Variants in TMEM131L observed in about 807,000 individuals in gnomAD.
TMEM131L encodes the protein transmembrane 131 like, also known as transmembrane protein 131-like.
TMEM131L carries 54 observed loss-of-function variants against 192.2 expected under a neutral mutation model. The observed-to-expected ratio is 0.28, with a 90% CI of 0.23 to 0.35. TMEM131L has a LOEUF of 0.35. Among genes scored for constraint, TMEM131L ranks in the 10% least tolerant of loss-of-function variants. TMEM131L has a pLI of 1.00. For missense variants in TMEM131L, 1,888 were observed against 1,972.9 expected (o/e 0.96, Z 0.82); for synonymous variants, 701 against 704.9 (o/e 0.99, Z 0.09).
At chr4:153,511,635 C>T (rs964709784) in intron 3 of TMEM131L, among the ~76,000 whole-genome samples, 16 of 152,152 alleles carry the variant, frequency 1.1e-4, no homozygotes, top group African/African-American at 3.9e-4. Flanking sequence ...TTCTTCCTTT[C>T]CCTACTGAAA....
intron 26 of TMEM131L, among the ~76,000 whole-genome samples, chr4:153,613,610 T>G (rs1434808710): frequency 6.6e-6 from 1 of 152,216 alleles, no homozygotes; most frequent in East Asian, 1.9e-4. Flanking sequence ...CTTTGGTTTA[T>G]TTTTCTTATG....
intron 21 of TMEM131L, among the ~76,000 whole-genome samples, chr4:153,599,813 TATGGGAGGTTGAGG>T (rs1314910853): frequency 6.6e-6 from 1 of 152,118 alleles, no homozygotes; most frequent in Non-Finnish European, 1.5e-5. Context: ...ATCCCAGCAC[TATGGGAGGTTGAGG>T]CAGGTGGATC....
At chr4:153,582,785 A>T (rs1175505299) in intron 9 of TMEM131L, among the ~76,000 whole-genome samples, 2 of 152,136 alleles carry the variant, frequency 1.3e-5, no homozygotes, top group African/African-American at 4.8e-5. Context: ...CTGAGATCTC[A>T]GGATTTTCTT....
chr4:153,589,990 C>A (rs527679559), intron 16 of TMEM131L, among the ~76,000 whole-genome samples: 1 of 152,308 alleles, frequency 6.6e-6, no homozygotes, highest in Non-Finnish European at 1.5e-5. Flanking sequence ...TTATGTATAA[C>A]TATACTACCA....
chr4:153,621,450 C>T (rs1296403428), intron 27 of TMEM131L, among the ~76,000 whole-genome samples: 1 of 152,204 alleles, frequency 6.6e-6, no homozygotes, highest in Non-Finnish European at 1.5e-5. Flanking sequence ...GGCAGTGTGG[C>T]ACTCTGTCTT....
At chr4:153,522,230 G>A (rs574478171) in intron 3 of TMEM131L, among the ~76,000 whole-genome samples, 14 of 152,328 alleles carry the variant, frequency 9.2e-5, no homozygotes, top group African/African-American at 2.6e-4. Flanking sequence ...GAAATGGGAC[G>A]TTCTCACCTT....
chr4:153,480,294 G>C (rs569715997), intron 3 of TMEM131L, among the ~76,000 whole-genome samples: 1 of 152,120 alleles, frequency 6.6e-6, no homozygotes, highest in Non-Finnish European at 1.5e-5. Context: ...AGCCGAGATC[G>C]CGCCACTGCA....
intron 19 of TMEM131L, among the ~76,000 whole-genome samples, chr4:153,594,235 T>TA (rs200623411): frequency 0.017 from 2,382 of 139,228 alleles, 69 homozygotes; most frequent in African/African-American, 0.056. Context: ...ACAAATACAT[T>TA]AAAAAAAATC....
At chr4:153,546,182 C>T (rs981433554) in intron 3 of TMEM131L, among the ~76,000 whole-genome samples, 58 of 151,646 alleles carry the variant, frequency 3.8e-4, no homozygotes, top group African/African-American at 1.3e-3. Context: ...TGAGCCACTG[C>T]ACCCGGTCCA....
At chr4:153,511,564 A>AC (rs1220087628) in intron 3 of TMEM131L, among the ~76,000 whole-genome samples, 2 of 151,916 alleles carry the variant, frequency 1.3e-5, no homozygotes, top group Non-Finnish European at 2.9e-5. Flanking sequence ...TGTATATCGA[A>AC]CCCCCATGAC....
chr4:153,546,987 T>G (rs1279591570), intron 3 of TMEM131L, among the ~76,000 whole-genome samples: 1 of 152,234 alleles, frequency 6.6e-6, no homozygotes, highest in Admixed American at 6.5e-5. Context: ...TCCAGATCAT[T>G]ACCTATGTCT....
intron 25 of TMEM131L, among the ~76,000 whole-genome samples, chr4:153,608,306 A>G (rs1049304719): frequency 2.0e-5 from 3 of 152,222 alleles, no homozygotes; most frequent in African/African-American, 7.2e-5. Context: ...TTGTCAAACA[A>G]CTATCAAACA....
intron 3 of TMEM131L, among the ~76,000 whole-genome samples, chr4:153,540,978 C>T (rs6833595): frequency 2.0e-5 from 3 of 151,946 alleles, no homozygotes; most frequent in East Asian, 1.9e-4. Flanking sequence ...ACTGAATGTT[C>T]GTGCTAACTT....
chr4:153,623,653 A>G (rs562438456), intron 29 of TMEM131L, among the ~76,000 whole-genome samples: 5 of 152,298 alleles, frequency 3.3e-5, no homozygotes, highest in Admixed American at 6.5e-5. Context: ...AATGTCTTCA[A>G]TGTTCAAAAA....
At chr4:153,583,805 G>C in intron 11 of TMEM131L, 133 bp downstream of exon 11, 1 of 625,524 alleles carries the variant, frequency 1.6e-6, no homozygotes, top group Admixed American at 3.2e-5. Flanking sequence ...AGAAGTCCCA[G>C]CCTTAGTAGT....
chr4:153,580,358 G>GT (rs1165005386), intron 7 of TMEM131L, among the ~76,000 whole-genome samples: 3 of 150,716 alleles, frequency 2.0e-5, no homozygotes, highest in Admixed American at 2.0e-4. Flanking sequence ...TTTATTTTTT[G>GT]TTTTTTTGGT....
intron 26 of TMEM131L, among the ~76,000 whole-genome samples, chr4:153,618,346 A>C (rs1282930314): frequency 6.6e-6 from 1 of 151,880 alleles, no homozygotes; most frequent in African/African-American, 2.4e-5. Flanking sequence ...GCATGGTGGC[A>C]CTTGCCTGTA....
At chr4:153,601,782 TG>T (rs1374392070) in intron 21 of TMEM131L, among the ~76,000 whole-genome samples, 1 of 152,212 alleles carries the variant, frequency 6.6e-6, no homozygotes, top group Non-Finnish European at 1.5e-5. Flanking sequence ...TTACAGGGCA[TG>T]GGGCATATGG....
intron 3 of TMEM131L, among the ~76,000 whole-genome samples, chr4:153,481,699 C>A (rs1731951505): frequency 6.6e-6 from 1 of 152,038 alleles, no homozygotes; most frequent in Admixed American, 6.6e-5. Flanking sequence ...CCACGGCTGG[C>A]TGATTTTTGT....
Sources: gnomAD v4.1 joint callset for allele counts (sites outside exome capture counted in the v4.1 genomes callset) on GRCh38, gnomAD v4.1.1 for gene constraint, MANE v1.5 for transcripts, NCBI Gene and HGNC (gene_info 2026-07-23, HGNC 2026-07-21) for gene names.